TTN: variants seen among roughly 807,000 people sequenced by gnomAD.
TTN encodes the protein titin, also known as connectin.
TTN carries 1,525 observed loss-of-function variants against 3,223.0 expected under a neutral mutation model. The observed-to-expected ratio is 0.47, with a 90% CI of 0.45 to 0.49. TTN has a LOEUF of 0.49. Among genes scored for constraint, TTN ranks in the 20% least tolerant of loss-of-function variants. The pLI is 0.00. For missense variants in TTN, 40,786 were observed against 43,424.0 expected (o/e 0.94, Z 5.40); for synonymous variants, 14,094 against 15,161.0 (o/e 0.93, Z 5.17).
rs397517638 is a variant in TTN at position 178,593,595 on chromosome 2, C to T, written c.58705G>A (p.Asp19569Asn). The T allele has an allele frequency of 1.9e-6, 3 of 1,612,282 alleles. No individual in the cohort carries two copies. Among genetic ancestry groups the T allele is most frequent in the South Asian group, 1.1e-5 (1 of 90,798 alleles). ...AAACGATCTTTGGCTTTCATTGAAT[C>T]AGACACCAGAGGATCACTTATTCCA... ...LYGISDPLVSDSMKAKDRFRV... is the reference protein window; with the variant it reads ...LYGISDPLVSNSMKAKDRFRV... The change falls in exon 298 of 363, where the codon GAT (aspartate) becomes AAT (asparagine). Residue 19569 changes from aspartate (D) to asparagine (N), a missense_variant. By Grantham distance (23) the Asp-to-Asn change is conservative. Transcript: ENST00000589042.
intron 316 of TTN, among the ~76,000 whole-genome samples, chr2:178,581,098 G>A (rs2047633976): frequency 1.3e-5 from 2 of 152,018 alleles, no homozygotes; most frequent in South Asian, 4.1e-4. Context: ...ATAAGAAGAA[G>A]GGAAATTAAG....
chr2:178,589,840 T>C lies in TTN; in HGVS notation c.61885A>G (p.Lys20629Glu). The change falls in exon 304 of 363, where the codon AAG (lysine) becomes GAG (glutamate). Residue 20629 changes from lysine (K) to glutamate (E), a missense_variant. Physicochemically the swap from Lys to Glu is moderately conservative, Grantham distance 56. Coordinates refer to ENST00000589042, the MANE Select transcript of TTN (RefSeq NM_001267550.2). ...VASDVTKRLIKANLLANNEYY... is the reference protein window; with the variant it reads ...VASDVTKRLIEANLLANNEYY... Reference sequence around the variant, plus strand: ...TCATTGTTGGCTAAAAGGTTGGCCTTGATTAATCGTTTAGTGACATCTGAT... The same window carrying C: ...TCATTGTTGGCTAAAAGGTTGGCCTCGATTAATCGTTTAGTGACATCTGAT... 6.2e-7 allele frequency: 1 copy of C among 1,613,548 alleles called. No homozygotes were observed. Among genetic ancestry groups the C allele is most frequent in the Non-Finnish European group, 8.5e-7 (1 of 1,179,606 alleles).
At chr2:178,751,316 T>C (rs755739461) in intron 47 of TTN, 1 of 1,610,606 alleles carries the variant, frequency 6.2e-7, no homozygotes, top group Non-Finnish European at 8.5e-7. Flanking sequence ...GGTCTCCTTG[T>C]CCAGGAAACT....
Position 178,601,762 on chromosome 2 carries a change from ACT to A in TTN, c.55326_55327del (p.Val18443AsnfsTer7). ...TCGTTTACACTCCGGAATAATAATTACTGAGGAGTTTTCAGCAGTCTCCAGCT... is the reference window on the plus strand; with the variant it reads ...TCGTTTACACTCCGGAATAATAATTAGAGGAGTTTTCAGCAGTCTCCAGCT... On this transcript the variant is annotated frameshift_variant, in exon 286 of 363. Coordinates refer to ENST00000589042, the MANE Select transcript of TTN (RefSeq NM_001267550.2). LOFTEE classifies it high-confidence loss of function. 6.2e-7 allele frequency: 1 copy of A among 1,605,818 alleles called. No individual in the cohort carries two copies. Among genetic ancestry groups the A allele is most frequent in the Non-Finnish European group, 8.5e-7 (1 of 1,177,304 alleles).
intron 212 of TTN, 62 bp from the exon 213 acceptor site, chr2:178,649,393 T>C: frequency 1.5e-6 from 2 of 1,343,468 alleles, no homozygotes; most frequent in Non-Finnish European, 2.0e-6. Context: ...ATATTAAGAA[T>C]AAAAAACCTG....
rs1178885715 is a variant in TTN at position 178,541,525 on chromosome 2, G to C, written c.97552C>G (p.Leu32518Val). ...IFDVSRDGMT[L>V]TWYPPEDDGG... ...TCATCCTCTGGTGGGTACCAAGTAA[G>C]TGTCATGCCATCACGGGAAACATCA... The change falls in exon 350 of 363, where the codon CTT (leucine) becomes GTT (valine). Residue 32518 changes from leucine to valine, a missense_variant. Coordinates refer to ENST00000589042, the MANE Select transcript of TTN (RefSeq NM_001267550.2). The C allele has an allele frequency of 6.2e-6, 10 of 1,612,992 alleles. No homozygotes were observed. The highest frequency in any genetic ancestry group is 1.3e-5 in the African/African-American group (1 of 74,894).
At position 178,589,818 on chromosome 2, in the gene TTN, T is replaced by C. The variant is rs2154184029; in HGVS notation, c.61907A>G (p.Asn20636Ser). 1.9e-6 allele frequency: 3 copies of C among 1,613,548 alleles called. No individual in the cohort carries two copies. The highest frequency in any genetic ancestry group is 2.5e-6 in the Non-Finnish European group (3 of 1,179,596). ...RLIKANLLAN[N>S]EYYFRVCAEN... ...TGCACAAACTCGGAAATAGTATTCATTGTTGGCTAAAAGGTTGGCCTTGAT... is the reference window on the plus strand; with the variant it reads ...TGCACAAACTCGGAAATAGTATTCACTGTTGGCTAAAAGGTTGGCCTTGAT... The change falls in exon 304 of 363, where the codon AAT becomes AGT. Residue 20636 changes from asparagine to serine, a missense_variant. Physicochemically the swap from Asn to Ser is conservative, Grantham distance 46. Coordinates refer to ENST00000589042, the MANE Select transcript of TTN (RefSeq NM_001267550.2).
At chr2:178,615,034 T>G in intron 259 of TTN, 66 bp from the exon 260 acceptor site, 1 of 1,392,424 alleles carries the variant, frequency 7.2e-7, no homozygotes, top group South Asian at 1.3e-5. Context: ...GTAGTACTCA[T>G]AATCTTTCAA....
chr2:178,640,453 G>T, intron 221 of TTN, 88 bp downstream of exon 221: 1 of 1,220,586 alleles, frequency 8.2e-7, no homozygotes, highest in Non-Finnish European at 1.2e-6. Context: ...AAGGTCATGT[G>T]TTCAAATCTT....
intron 37 of TTN, 97 bp downstream of exon 37, chr2:178,769,582 G>T (rs531238079): frequency 8.1e-6 from 9 of 1,106,384 alleles, no homozygotes; most frequent in African/African-American, 8.1e-5. Flanking sequence ...ATTTTTGAGT[G>T]GTCAGCAAAG....
In TTN at chr2:178,539,449, T is replaced by A; in HGVS notation, c.98616A>T (p.Ala32872=). ...ENVEYHFRVS[A]ENQFGISKPL... ...GTTTGCTTATGCCAAACTGGTTTTC[T>A]GCTGAAACACGGAAATGGTATTCTA... is the stretch of plus-strand genomic sequence containing the variant. Residue 32872 remains alanine, a synonymous_variant, in exon 352 of 363, where the codon GCA becomes GCT. Coordinates refer to ENST00000589042, the MANE Select transcript of TTN (RefSeq NM_001267550.2). 1 of 1,613,914 alleles carries A rather than the reference T, an allele frequency of 6.2e-7. No homozygotes were observed. Among genetic ancestry groups the A allele is most frequent in the African/African-American group, 1.3e-5 (1 of 75,052 alleles).
In TTN at chr2:178,740,592, G is replaced by A. The variant is rs922596376; in HGVS notation, c.12641C>T (p.Pro4214Leu). ...CATTGGAGGTTCTATTGAAGACTGT[G>A]GATAATTCCCTTCAGGTTCAGCTAA... ...TLLAEPEGNY[P>L]QSSIEPPMHS... The change falls in exon 48 of 363, where the codon CCA becomes CTA. Residue 4214 changes from proline (P) to leucine (L), a missense_variant. Pro to Leu is a moderately conservative substitution (Grantham distance 98, BLOSUM62 -3). Transcript: ENST00000589042. 3 of 1,613,720 alleles carry A rather than the reference G, an allele frequency of 1.9e-6. No individual in the cohort carries two copies. Among genetic ancestry groups the A allele is most frequent in the Non-Finnish European group, 2.5e-6 (3 of 1,179,826 alleles).
chr2:178,532,795 G>C lies in TTN; in HGVS notation c.103820C>G (p.Pro34607Arg). The C allele has an allele frequency of 6.2e-7, 1 of 1,613,938 alleles. No individual in the cohort carries two copies. Among genetic ancestry groups the C allele is most frequent in the Non-Finnish European group, 8.5e-7 (1 of 1,179,864 alleles). Residue 34607 changes from proline to arginine, a missense_variant, in exon 358 of 363, where the codon CCT becomes CGT. Transcript: ENST00000589042. ...LSRWEQFYVM[P>R]LPRITDQYRP... ...GTATTGATCTGTAATGCGTGGAAGA[G>C]GCATCACATAGAACTGTTCCCATCT...
rs528625782 is a variant in TTN, at chr2:178,727,130, G to A, written c.20235C>T (p.Pro6745=). The change falls in exon 69 of 363, where the codon CCC becomes CCT. Residue 6745 remains proline, a synonymous_variant. Transcript: ENST00000589042. ...SGDFICEAQN[P]AGSTSCSTKV... ...TGGTACTGCAGCTTGTGCTGCCAGC[G>A]GGATTCTGAGCCTCACAAATGAAAT... The A allele has an allele frequency of 1.0e-5, 16 of 1,597,824 alleles. No individual in the cohort carries two copies. Among genetic ancestry groups the A allele is most frequent in the Admixed American group, 1.7e-5 (1 of 59,164 alleles).
intron 270 of TTN, 132 bp from the exon 271 acceptor site, chr2:178,610,521 G>C: frequency 1.0e-6 from 1 of 957,592 alleles, no homozygotes; most frequent in Non-Finnish European, 1.5e-6. Context: ...CATTCACACT[G>C]CAGAGCATTT....
chr2:178,542,200 A>G, intron 349 of TTN, 64 bp downstream of exon 349: 1 of 1,479,242 alleles, frequency 6.8e-7, no homozygotes. Flanking sequence ...TTAAAAACAA[A>G]TTCTTTTTTG....
chr2:178,615,097 C>T (rs996205377), intron 259 of TTN, 129 bp from the exon 260 acceptor site: 16 of 1,010,160 alleles, frequency 1.6e-5, no homozygotes, highest in Admixed American at 2.7e-5. Context: ...TGGATTACTT[C>T]AACACTATAA....
Position 178,764,513 on chromosome 2 carries a change from C to T in TTN, c.9988+14G>A, listed in dbSNP as rs754074745. 6 of 1,613,716 alleles carry T rather than the reference C, an allele frequency of 3.7e-6. No homozygotes were observed. The highest frequency in any genetic ancestry group is 1.3e-5 in the African/African-American group (1 of 74,930). On this transcript the variant is annotated intron_variant, in intron 42 of 362. Coordinates refer to ENST00000589042, the MANE Select transcript of TTN (RefSeq NM_001267550.2). ...AGGTTTTATTTTCAGCTGGAAGTAG[C>T]GAGGCATTCCTACCTTCCACTGAGA...
chr2:178,599,542 T>C lies in TTN; in HGVS notation c.56347+12A>G. On this transcript the variant is annotated intron_variant, in intron 289 of 362. Transcript: ENST00000589042. ...AAAACAAGTAATTTTAACCAAACCA[T>C]GCAGTCTTTACCCAGGACATTCAGT... The C allele has an allele frequency of 6.5e-7, 1 of 1,538,460 alleles. No individual in the cohort carries two copies. Among genetic ancestry groups the C allele is most frequent in the East Asian group, 2.3e-5 (1 of 43,954 alleles).
Sources: allele counts gnomAD v4.1 joint callset (sites outside exome capture counted in the v4.1 genomes callset), GRCh38; gene constraint gnomAD v4.1.1; transcripts MANE v1.5; gene names NCBI Gene and HGNC (gene_info 2026-07-23, HGNC 2026-07-21).